Variants in FAT3 observed in about 807,000 individuals in gnomAD.
The protein encoded by FAT3 is FAT atypical cadherin 3, also known as protocadherin Fat 3.
FAT3 carries 95 observed loss-of-function variants against 310.2 expected under a neutral mutation model. That is an observed-to-expected ratio of 0.31 (90% CI 0.26 to 0.36). The LOEUF is 0.36. FAT3 is among the 10% of genes least tolerant of loss of function. FAT3 has a pLI of 1.00. For missense variants in FAT3, 5,408 were observed against 5,715.6 expected (o/e 0.95, Z 1.74); for synonymous variants, 2,314 against 2,192.9 (o/e 1.06, Z -1.54).
At chr11:92,248,361 T>C (rs1865009853) in intron 1 of FAT3, among the ~76,000 whole-genome samples, 1 of 152,110 alleles carries the variant, frequency 6.6e-6, no homozygotes, top group African/African-American at 2.4e-5. Context: ...CTCATACAGA[T>C]GGCATTACCC....
intron 9 of FAT3, among the ~76,000 whole-genome samples, chr11:92,794,433 C>A (rs935743082): frequency 5.3e-5 from 8 of 151,980 alleles, no homozygotes; most frequent in Non-Finnish European, 1.2e-4. Flanking sequence ...TTCTACTTTT[C>A]TTACCATGTT....
chr11:92,794,327 G>T (rs891415253), intron 9 of FAT3, among the ~76,000 whole-genome samples: 17 of 151,878 alleles, frequency 1.1e-4, no homozygotes, highest in Admixed American at 5.2e-4. Flanking sequence ...TCTTTCTATG[G>T]TTTTTTCCAA....
intron 4 of FAT3, among the ~76,000 whole-genome samples, chr11:92,715,965 G>A (rs888599959): frequency 3.3e-5 from 5 of 152,082 alleles, no homozygotes; most frequent in East Asian, 1.9e-4. Context: ...AAGTAGTTTC[G>A]ACTAGATACT....
intron 2 of FAT3, among the ~76,000 whole-genome samples, chr11:92,497,008 G>C (rs1952788288): frequency 6.6e-6 from 1 of 151,988 alleles, no homozygotes; most frequent in African/African-American, 2.4e-5. Flanking sequence ...CCCTTGTTTG[G>C]CCTCCTCACT....
intron 3 of FAT3, among the ~76,000 whole-genome samples, chr11:92,664,009 A>T (rs1188622754): frequency 6.6e-6 from 1 of 152,258 alleles, no homozygotes; most frequent in South Asian, 2.1e-4. Flanking sequence ...CAATCTTGAC[A>T]CGACCCACCC....
rs2136412833 is a variant in FAT3 at position 92,883,036 on chromosome 11, G to C, written c.12580G>C (p.Asp4194His). The C allele has an allele frequency of 6.2e-7, 1 of 1,613,878 alleles. No homozygotes were observed. The highest frequency in any genetic ancestry group is 8.5e-7 in the Non-Finnish European group (1 of 1,179,904). Residue 4194 changes from aspartate (D) to histidine (H), a missense_variant, in exon 24 of 28, where the codon GAC (aspartate) becomes CAC (histidine). Around this residue, in one of 5 missense-constraint regions of FAT3, gnomAD observed 649 missense variants for 666.2 expected, o/e 0.97. Transcript: ENST00000525166. The surrounding 1 kb of genome is among the most constrained non-coding windows in gnomAD (Gnocchi z 4.2). ...CCGCAACAACATCACGCTAGTGCAG[G>C]ACCCGGCCACCGCCGCCCTGCTTAA... ...YSRNNITLVQDPATAALLNKS... is the reference protein window; with the variant it reads ...YSRNNITLVQHPATAALLNKS...
intron 2 of FAT3, among the ~76,000 whole-genome samples, chr11:92,505,611 A>G (rs1246196115): frequency 6.6e-6 from 1 of 152,142 alleles, no homozygotes; most frequent in Non-Finnish European, 1.5e-5. Flanking sequence ...GATTCCTACT[A>G]TTTTAATTAA....
At chr11:92,643,617 T>C (rs1942041371) in intron 3 of FAT3, among the ~76,000 whole-genome samples, 1 of 152,174 alleles carries the variant, frequency 6.6e-6, no homozygotes, top group Admixed American at 6.5e-5. Context: ...ACTGTACAAA[T>C]ATTAAGGTGC....
intron 27 of FAT3, 40 bp from the exon 28 acceptor site, chr11:92,890,451 A>T: frequency 6.4e-7 from 1 of 1,570,406 alleles, no homozygotes; most frequent in Non-Finnish European, 8.6e-7. Context: ...CACCAACTCC[A>T]GTCTAGAGGA....
At chr11:92,787,998 T>C (rs986796527) in intron 7 of FAT3, among the ~76,000 whole-genome samples, 1 of 152,186 alleles carries the variant, frequency 6.6e-6, no homozygotes, top group African/African-American at 2.4e-5. Context: ...TTCCTGACTC[T>C]GTCCATTGAA....
At chr11:92,827,084 G>A (rs1948121439) in intron 13 of FAT3, among the ~76,000 whole-genome samples, 1 of 152,112 alleles carries the variant, frequency 6.6e-6, no homozygotes, top group South Asian at 2.1e-4. Context: ...AGTTATTCTG[G>A]CACCTGGTAG....
At chr11:92,723,503 C>T (rs183018119) in intron 4 of FAT3, among the ~76,000 whole-genome samples, 121 of 152,306 alleles carry the variant, frequency 7.9e-4, no homozygotes, top group African/African-American at 2.6e-3. Context: ...CCAACCTCTG[C>T]CTGTTAGCCA....
intron 9 of FAT3, among the ~76,000 whole-genome samples, chr11:92,793,992 C>G (rs971472109): frequency 6.6e-6 from 1 of 151,940 alleles, no homozygotes; most frequent in Admixed American, 6.6e-5. Context: ...TTGTATTAGG[C>G]ACCCACATTT....
intron 2 of FAT3, among the ~76,000 whole-genome samples, chr11:92,366,141 G>A (rs1206519879): frequency 6.6e-6 from 1 of 152,072 alleles, no homozygotes; most frequent in African/African-American, 2.4e-5. Context: ...CGGCTCTCTT[G>A]CGTCTCCTTA....
Position 92,891,047 on chromosome 11 carries a change from G to A in FAT3, c.13704G>A (p.Val4568=), listed in dbSNP as rs955087466. 13 of 1,613,842 alleles carry A rather than the reference G, an allele frequency of 8.1e-6. No homozygotes were observed. Among genetic ancestry groups the A allele is most frequent in the Non-Finnish European group, 1.1e-5 (13 of 1,179,850 alleles). The change falls in exon 28 of 28, where the codon GTG becomes GTA. Residue 4568 remains valine (V), a synonymous_variant. Transcript: ENST00000525166. ...SEVAMSDYES[V]GELSLASLHI... is the part of the protein sequence containing the mutation. The stretch of plus-strand genomic sequence containing the variant: ...TAGCCATGAGTGACTACGAGAGCGT[G>A]GGAGAGCTCAGCCTCGCCAGCCTTC...
intron 3 of FAT3, among the ~76,000 whole-genome samples, chr11:92,696,309 T>C (rs2135903410): frequency 6.6e-6 from 1 of 152,286 alleles, no homozygotes; most frequent in East Asian, 1.9e-4. Flanking sequence ...ACAGCCATGT[T>C]ACTCTGAGTG....
intron 3 of FAT3, among the ~76,000 whole-genome samples, chr11:92,578,863 C>T (rs1226606433): frequency 6.6e-6 from 1 of 151,736 alleles, no homozygotes; most frequent in Non-Finnish European, 1.5e-5. Flanking sequence ...CCCCCATGAT[C>T]GTCTAATATA....
intron 3 of FAT3, among the ~76,000 whole-genome samples, chr11:92,572,964 G>A (rs1389537960): frequency 1.3e-5 from 2 of 152,142 alleles, no homozygotes; most frequent in Non-Finnish European, 2.9e-5. Context: ...ATTGAGAAAT[G>A]CCATGGCTTG....
intron 2 of FAT3, among the ~76,000 whole-genome samples, chr11:92,428,851 T>C (rs961278042): frequency 6.6e-6 from 1 of 152,158 alleles, no homozygotes; most frequent in Non-Finnish European, 1.5e-5. Context: ...TGAATGTATT[T>C]TCTGTTGATT....
Sources: allele counts gnomAD v4.1 joint callset (sites outside exome capture counted in the v4.1 genomes callset), GRCh38; gene constraint gnomAD v4.1.1; regional missense constraint gnomAD v4.1.1; non-coding constraint Gnocchi (gnomAD v3.1); transcripts MANE v1.5; gene names NCBI Gene and HGNC (gene_info 2026-07-23, HGNC 2026-07-21).